The following SLIT3 variants were observed in gnomAD, a reference collection of about 807,000 sequenced individuals.
SLIT3 encodes slit guidance ligand 3.
A neutral mutation model predicts 184.0 loss-of-function variants in SLIT3; 68 were observed. The ratio of observed to expected loss-of-function variants is 0.37; its 90% confidence interval spans 0.30 to 0.45. SLIT3 has a LOEUF of 0.45. SLIT3 is among the 20% of genes least tolerant of loss of function. The probability of loss-of-function intolerance (pLI) is 1.00; values close to 1 mark genes in which losing one functional copy is unlikely to be tolerated. For missense variants in SLIT3, 1,707 were observed against 2,026.0 expected (o/e 0.84, Z 3.02); for synonymous variants, 831 against 828.6 (o/e 1.00, Z -0.05).
At chr5:168,767,194 T>C (rs1581058441) in intron 14 of SLIT3, among the ~76,000 whole-genome samples, 1 of 152,246 alleles carries the variant, frequency 6.6e-6, no homozygotes, top group Non-Finnish European at 1.5e-5. Flanking sequence ...GTTGGGCTCC[T>C]GGTTCTGAGG....
chr5:169,030,766 G>A (rs1028806210), intron 4 of SLIT3, among the ~76,000 whole-genome samples: 1 of 152,170 alleles, frequency 6.6e-6, no homozygotes, highest in Non-Finnish European at 1.5e-5. Flanking sequence ...GAGTTAAGGA[G>A]GATAAACAAT....
chr5:168,791,468 T>C (rs1354093474), intron 10 of SLIT3: 1 of 152,228 alleles, frequency 6.6e-6, no homozygotes, highest in East Asian at 1.9e-4. Context: ...CTTTGTCTTT[T>C]TCTTTATTAT....
chr5:168,671,981 G>A (rs1487898309), intron 33 of SLIT3, among the ~76,000 whole-genome samples: 1 of 152,174 alleles, frequency 6.6e-6, no homozygotes, highest in African/African-American at 2.4e-5. Flanking sequence ...TGGGGTTCAG[G>A]GTTTTTAGAC....
intron 5 of SLIT3, among the ~76,000 whole-genome samples, chr5:168,882,319 A>T (rs1759984251): frequency 6.6e-6 from 1 of 152,212 alleles, no homozygotes; most frequent in Non-Finnish European, 1.5e-5. Context: ...ACAAAGGTTT[A>T]GGCAGAAAAT....
intron 4 of SLIT3, among the ~76,000 whole-genome samples, chr5:169,082,271 C>T (rs1490130312): frequency 6.6e-6 from 1 of 152,198 alleles, no homozygotes; most frequent in African/African-American, 2.4e-5. Context: ...ACCAATGCAA[C>T]TCACAGACAT....
chr5:168,696,466 AG>A (rs1394755720), intron 27 of SLIT3, 35 bp from the exon 28 acceptor site: 7 of 1,612,368 alleles, frequency 4.3e-6, no homozygotes, highest in Non-Finnish European at 5.9e-6. Context: ...CAGGGGAGTC[AG>A]GGGTCAGGGA....
intron 4 of SLIT3, among the ~76,000 whole-genome samples, chr5:168,972,594 TA>T (rs1754616808): frequency 6.6e-6 from 1 of 151,984 alleles, no homozygotes; most frequent in Non-Finnish European, 1.5e-5. Flanking sequence ...GAAAATGGCA[TA>T]TTACCTTTGA....
chr5:169,136,092 G>C (rs1357400107), intron 4 of SLIT3, among the ~76,000 whole-genome samples: 1 of 152,154 alleles, frequency 6.6e-6, no homozygotes, highest in Non-Finnish European at 1.5e-5. Context: ...AAATAAAGTT[G>C]TTTCTCTCTT....
At chr5:169,144,483 G>GAGTTTAAGCTTGTCATCCTCA (rs1182951083) in intron 4 of SLIT3, among the ~76,000 whole-genome samples, 2 of 152,196 alleles carry the variant, frequency 1.3e-5, no homozygotes, top group African/African-American at 4.8e-5. Flanking sequence ...ACTCTTAAAG[G>GAGTTTAAGCTTGTCATCCTCA]CATGGAACAT....
intron 9 of SLIT3, among the ~76,000 whole-genome samples, chr5:168,796,711 G>T (rs73805226): frequency 0.022 from 3,378 of 152,258 alleles, 146 homozygotes; most frequent in African/African-American, 0.078. Flanking sequence ...AGTAATCCCC[G>T]CTGTAGAGTG....
intron 2 of SLIT3, among the ~76,000 whole-genome samples, chr5:169,247,394 A>G (rs1228557672): frequency 1.3e-5 from 2 of 152,110 alleles, no homozygotes; most frequent in Non-Finnish European, 2.9e-5. Flanking sequence ...TCCACCAATC[A>G]AATCAGTCAC....
chr5:168,869,558 G>A (rs1033050862), intron 5 of SLIT3, among the ~76,000 whole-genome samples: 3 of 152,158 alleles, frequency 2.0e-5, no homozygotes, highest in Non-Finnish European at 4.4e-5. Context: ...CTGTTTATTT[G>A]GTGTACATGT....
chr5:168,929,483 T>C (rs1391987834), intron 4 of SLIT3, among the ~76,000 whole-genome samples: 1 of 152,150 alleles, frequency 6.6e-6, no homozygotes, highest in African/African-American at 2.4e-5. Context: ...GCAAAAGCTG[T>C]TCATAATTAC....
At chr5:169,265,915 T>A (rs1766381573) in intron 1 of SLIT3, among the ~76,000 whole-genome samples, 1 of 152,218 alleles carries the variant, frequency 6.6e-6, no homozygotes, top group African/African-American at 2.4e-5. Flanking sequence ...TTCATCCACT[T>A]CAGGCACATC....
intron 4 of SLIT3, among the ~76,000 whole-genome samples, chr5:168,940,788 G>A (rs1762306693): frequency 2.0e-5 from 3 of 152,182 alleles, no homozygotes; most frequent in Admixed American, 2.0e-4. Context: ...TGTATACCCT[G>A]AAAATCATAA....
At chr5:169,265,762 A>G (rs1466991538) in intron 1 of SLIT3, among the ~76,000 whole-genome samples, 2 of 152,220 alleles carry the variant, frequency 1.3e-5, no homozygotes, top group Non-Finnish European at 2.9e-5. Flanking sequence ...TCATGCAGTA[A>G]GTACTCAAGA....
intron 4 of SLIT3, among the ~76,000 whole-genome samples, chr5:168,950,403 T>G (rs973579549): frequency 6.6e-6 from 1 of 152,210 alleles, no homozygotes; most frequent in East Asian, 1.9e-4. Context: ...AAACAAGCTC[T>G]GCATAGTCAT....
chr5:168,939,191 C>A (rs550246322), intron 4 of SLIT3, among the ~76,000 whole-genome samples: 7,868 of 152,278 alleles, frequency 0.052, 387 homozygotes, highest in African/African-American at 0.13. Flanking sequence ...ACTTACGTAG[C>A]TGCGCTGTGG....
At chr5:168,967,031 G>GA (rs929524565) in intron 4 of SLIT3, among the ~76,000 whole-genome samples, 2 of 152,134 alleles carry the variant, frequency 1.3e-5, no homozygotes, top group Admixed American at 1.3e-4. Context: ...TTGGATGATG[G>GA]AAAAAATTGA....
Sources: gnomAD v4.1 joint callset for allele counts (sites outside exome capture counted in the v4.1 genomes callset) on GRCh38, gnomAD v4.1.1 for gene constraint, MANE v1.5 for transcripts, NCBI Gene and HGNC (gene_info 2026-07-23, HGNC 2026-07-21) for gene names.